NIPBL: variants seen among roughly 807,000 people sequenced by gnomAD.
NIPBL encodes the protein NIPBL cohesin loading factor.
Under a neutral mutation model 321.8 loss-of-function variants are expected in NIPBL, and 19 were observed. The observed-to-expected ratio is 0.06, with a 90% CI of 0.04 to 0.09. The LOEUF (loss-of-function observed/expected upper bound fraction) is 0.09, where lower values mean the gene tolerates loss of function less well. NIPBL is among the 10% of genes least tolerant of loss of function. The pLI, the probability that NIPBL is intolerant of heterozygous loss-of-function variation, is 1.00. For synonymous variants in NIPBL, 1,106 were observed against 1,114.1 expected, an observed-to-expected ratio of 0.99 and a Z score of 0.14; for missense variants, 2,210 against 3,327.0, an observed-to-expected ratio of 0.66 and a Z score of 8.26.
intron 1 of NIPBL, chr5:36,885,502 C>T: frequency 2.0e-6 from 1 of 506,894 alleles, no homozygotes; most frequent in South Asian, 1.5e-5. Flanking sequence ...GAGTGAGGAG[C>T]CTAGAGACCA....
chr5:36,923,188 C>T (rs1749087568), intron 1 of NIPBL, among the ~76,000 whole-genome samples: 1 of 152,004 alleles, frequency 6.6e-6, no homozygotes, highest in South Asian at 2.1e-4. Context: ...CACCTGTAGT[C>T]CCAGCTACTT....
chr5:36,900,028 G>T (rs1434158732), intron 1 of NIPBL, among the ~76,000 whole-genome samples: 1 of 152,136 alleles, frequency 6.6e-6, no homozygotes, highest in African/African-American at 2.4e-5. Context: ...TAGTGATGAT[G>T]ATGATTATAT....
At chr5:36,946,556 G>GTA (rs1251982296) in intron 1 of NIPBL, among the ~76,000 whole-genome samples, 1 of 142,592 alleles carries the variant, frequency 7.0e-6, no homozygotes, top group Non-Finnish European at 1.5e-5. Context: ...GTGTGTGTGT[G>GTA]TATATATATG....
rs1047227983 is a variant in NIPBL at position 36,972,038 on chromosome 5, A to G, written c.865A>G (p.Lys289Glu). The G allele has an allele frequency of 4.4e-6, 7 of 1,604,330 alleles. No individual in the cohort carries two copies. The highest frequency in any genetic ancestry group is 8.5e-7 in the Non-Finnish European group (1 of 1,171,384). The change falls in exon 8 of 47, where the codon AAA becomes GAA. Residue 289 changes from lysine to glutamate, a missense_variant. By Grantham distance (56) the Lys-to-Glu change is moderately conservative. Coordinates refer to ENST00000282516, the MANE Select transcript of NIPBL (RefSeq NM_133433.4). ...CSPAGSEGTP[K>E]GSRPPLILQS... ...CCCTGCTGGAAGTGAAGGAACTCCT[A>G]AAGGTACTACTGTAACTAAAATTTC...
In NIPBL at chr5:37,049,311, T is replaced by TTTTA. The variant is rs1176102298; in HGVS notation, c.6954+12_6954+15dup. 1 of 1,613,580 alleles carries TTTTA rather than the reference T, an allele frequency of 6.2e-7. No homozygotes were observed. The highest frequency in any genetic ancestry group is 8.5e-7 in the Non-Finnish European group (1 of 1,179,666). On this transcript the variant is annotated intron_variant, in intron 40 of 46. Coordinates refer to ENST00000282516, the MANE Select transcript of NIPBL (RefSeq NM_133433.4). Reference sequence around the variant, plus strand: ...TATTCATCCAGTTCAGGTAAGCATGTTTTATGGCAGCAGCACTTACTAAAA... The same window carrying TTTTA: ...TATTCATCCAGTTCAGGTAAGCATGTTTTATTTATGGCAGCAGCACTTACTAAAA...
intron 32 of NIPBL, 141 bp downstream of exon 32, chr5:37,027,553 G>T: frequency 3.3e-6 from 2 of 613,576 alleles, no homozygotes. Flanking sequence ...CAATATGTTA[G>T]GCTGGATGAT....
At chr5:37,051,536 A>G (rs1285414909) in intron 40 of NIPBL, 2 of 539,880 alleles carry the variant, frequency 3.7e-6, no homozygotes, top group Non-Finnish European at 6.5e-6. Flanking sequence ...AGAACCTAAA[A>G]TTTACAATGA....
intron 32 of NIPBL, among the ~76,000 whole-genome samples, chr5:37,031,109 G>A (rs557874467): frequency 6.9e-4 from 105 of 151,872 alleles, no homozygotes; most frequent in Admixed American, 7.9e-4. Flanking sequence ...TCAGCCTCCC[G>A]AGTAGCTGGA....
chr5:37,049,392 C>T (rs1054665474), intron 40 of NIPBL, 91 bp downstream of exon 40: 7 of 1,355,166 alleles, frequency 5.2e-6, no homozygotes, highest in South Asian at 1.2e-5. Context: ...AGTAGTTCTT[C>T]GTTCCTCTTA....
At chr5:36,999,229 A>T (rs546440578) in intron 11 of NIPBL, among the ~76,000 whole-genome samples, 164 of 152,328 alleles carry the variant, frequency 1.1e-3, no homozygotes, top group Non-Finnish European at 1.7e-3. Context: ...TAGGGGACTT[A>T]AGCAAAACAT....
At chr5:36,923,804 C>A (rs1000234347) in intron 1 of NIPBL, among the ~76,000 whole-genome samples, 5 of 152,144 alleles carry the variant, frequency 3.3e-5, no homozygotes, top group African/African-American at 1.2e-4. Context: ...AAAATGTTCA[C>A]TACTATTTGT....
intron 14 of NIPBL, 132 bp from the exon 15 acceptor site, chr5:37,002,530 T>C: frequency 1.5e-6 from 1 of 681,976 alleles, no homozygotes; most frequent in Non-Finnish European, 2.7e-6. Flanking sequence ...ACTTGAGGTT[T>C]ATATATAGAG....
intron 4 of NIPBL, among the ~76,000 whole-genome samples, chr5:36,958,505 G>A (rs1741239342): frequency 6.6e-6 from 1 of 152,072 alleles, no homozygotes; most frequent in South Asian, 2.1e-4. Flanking sequence ...TAGAAAATCA[G>A]AATTAATTTG....
chr5:36,903,343 T>TC (rs1174744285), intron 1 of NIPBL, among the ~76,000 whole-genome samples: 1 of 152,186 alleles, frequency 6.6e-6, no homozygotes, highest in Non-Finnish European at 1.5e-5. Context: ...CTTGTCTTGT[T>TC]CCAGTTCTTA....
In NIPBL at chr5:36,996,694, G is replaced by T; in HGVS notation, c.3304+890G>T. The T allele has an allele frequency of 1.5e-5, 5 of 334,964 alleles. No individual in the cohort carries two copies. Among genetic ancestry groups the T allele is most frequent in the South Asian group, 4.7e-5 (2 of 42,726 alleles). The allele number at this position is 334,964 out of a possible 1,614,324, so 20.7% of individuals were successfully genotyped here. A position where few individuals can be genotyped will look rare whatever the true frequency, so the allele number is the denominator to read the frequency against. On this transcript the variant is annotated intron_variant, in intron 11 of 46. Coordinates refer to ENST00000282516, the MANE Select transcript of NIPBL (RefSeq NM_133433.4). This position sits in a 1 kb window ranked among gnomAD's most constrained non-coding sequence, Gnocchi z 5.0. ...CATTCAGTGGAAACAGACTATGGGA[G>T]ATCTTCACTTGTGTGCCAACTGACT...
At chr5:36,927,229 C>G (rs1406650818) in intron 1 of NIPBL, among the ~76,000 whole-genome samples, 1 of 152,064 alleles carries the variant, frequency 6.6e-6, no homozygotes, top group Non-Finnish European at 1.5e-5. Context: ...TTATATAACA[C>G]TTACATATTA....
Position 36,981,216 on chromosome 5 carries a change from A to G in NIPBL, c.1496-3460A>G, listed in dbSNP as rs565420592. On this transcript the variant is annotated intron_variant, in intron 9 of 46. Coordinates refer to ENST00000282516, the MANE Select transcript of NIPBL (RefSeq NM_133433.4). ...CTTTAGGATATGAGTTTGTTTGCCA[A>G]TATATTCGTTTACTGTGAGAGAAAT... Among the ~76,000 whole-genome samples, 309 of 151,858 alleles carry G rather than the reference A, an allele frequency of 2.0e-3. 1 individual carries two copies. Among genetic ancestry groups the G allele is most frequent in the Non-Finnish European group, 2.9e-3 (197 of 67,716 alleles).
chr5:36,923,138 A>C (rs1455602642), intron 1 of NIPBL, among the ~76,000 whole-genome samples: 1 of 151,908 alleles, frequency 6.6e-6, no homozygotes, highest in Non-Finnish European at 1.5e-5. Flanking sequence ...TTTTGTACTA[A>C]AAATACAAAA....
At chr5:37,007,903 C>G (rs1381510635) in intron 18 of NIPBL, 105 bp from the exon 19 acceptor site, 2 of 757,316 alleles carry the variant, frequency 2.6e-6, no homozygotes, top group South Asian at 1.5e-5. Flanking sequence ...AAAATGCTTT[C>G]TTAGTGTTTT....
Sources: allele counts gnomAD v4.1 joint callset (sites outside exome capture counted in the v4.1 genomes callset), GRCh38; gene constraint gnomAD v4.1.1; non-coding constraint Gnocchi (gnomAD v3.1); transcripts MANE v1.5; gene names NCBI Gene and HGNC (gene_info 2026-07-23, HGNC 2026-07-21).